ANAPC16: variants seen among roughly 807,000 people sequenced by gnomAD.
ANAPC16 encodes the protein anaphase promoting complex subunit 16.
Under a neutral mutation model 13.1 loss-of-function variants are expected in ANAPC16, and 6 were observed. That is an observed-to-expected ratio of 0.46 (90% confidence interval 0.25 to 0.90). ANAPC16 has a LOEUF of 0.90. Among genes scored for constraint, ANAPC16 ranks in the 40% least tolerant of loss-of-function variants. ANAPC16 has a pLI of 0.18. For synonymous variants in ANAPC16, 55 were observed against 51.3 expected, an observed-to-expected ratio of 1.07 and a Z score of -0.31; for missense variants, 113 against 131.1, an observed-to-expected ratio of 0.86 and a Z score of 0.67.
chr10:72,226,604 T>C (rs1163211711), intron 2 of ANAPC16, among the ~76,000 whole-genome samples: 2 of 149,358 alleles, frequency 1.3e-5, no homozygotes, highest in Non-Finnish European at 1.5e-5. Flanking sequence ...GCCTGGGAGG[T>C]GGAGGCTGCA....
intron 1 of ANAPC16, chr10:72,220,863 AAACTC>A (rs1386649715): frequency 6.6e-6 from 1 of 151,882 alleles, no homozygotes; most frequent in African/African-American, 2.4e-5. Flanking sequence ...AAAAAAAAAA[AAACTC>A]AGCTAAAATT....
At chr10:72,230,479 A>T (rs1040304158) in intron 3 of ANAPC16, 39 bp downstream of exon 3, 2 of 1,571,310 alleles carry the variant, frequency 1.3e-6, no homozygotes, top group African/African-American at 2.7e-5. Flanking sequence ...TGTGAGAATA[A>T]ATTTGCTAGG....
chr10:72,230,225 G>T (rs1044133694), intron 2 of ANAPC16, 141 bp from the exon 3 acceptor site: 1 of 590,018 alleles, frequency 1.7e-6, no homozygotes, highest in Non-Finnish European at 3.0e-6. Context: ...AGTTCTAAAT[G>T]AAGCAGAACC....
intron 1 of ANAPC16, among the ~76,000 whole-genome samples, chr10:72,222,142 G>A (rs951410492): frequency 6.6e-6 from 1 of 151,316 alleles, no homozygotes; most frequent in Admixed American, 6.6e-5. Flanking sequence ...CAGACTGGCC[G>A]GGCATGATGG....
At chr10:72,226,965 G>A (rs778319368) in intron 2 of ANAPC16, among the ~76,000 whole-genome samples, 1 of 152,154 alleles carries the variant, frequency 6.6e-6, no homozygotes, top group Non-Finnish European at 1.5e-5. Context: ...CTGGTTAGAA[G>A]TAGTGAACAA....
chr10:72,216,944 GAGAA>G (rs1388651898), intron 1 of ANAPC16: 1 of 456,174 alleles, frequency 2.2e-6, no homozygotes, highest in Admixed American at 2.3e-5. Context: ...TCTGCACAAT[GAGAA>G]AGAAAAAAAT....
chr10:72,218,423 T>G (rs1346080849), intron 1 of ANAPC16, among the ~76,000 whole-genome samples: 2 of 151,896 alleles, frequency 1.3e-5, no homozygotes, highest in African/African-American at 4.8e-5. Context: ...CCCATTATGC[T>G]GCTTTACGTT....
rs1239272876 is a variant in ANAPC16 at position 72,233,050 on chromosome 10, G to A, written c.267G>A (p.Leu89=). ...MEKLAGLVEE[L]EADEWRFKPI... ...AACTAGCTGGTTTGGTAGAAGAGCT[G>A]GAGGCTGACGAGTGGCGGTTTAAGC... The change falls in exon 4 of 4, where the codon CTG becomes CTA. Residue 89 remains leucine, a synonymous_variant. Coordinates refer to ENST00000299381, the MANE Select transcript of ANAPC16 (RefSeq NM_173473.4). 4.3e-6 allele frequency: 7 copies of A among 1,614,120 alleles called. No individual in the cohort carries two copies. The Admixed American group carries it at 6.7e-5, about 15-fold the overall frequency.
intron 1 of ANAPC16, among the ~76,000 whole-genome samples, chr10:72,222,772 C>T (rs1230370994): frequency 6.6e-6 from 1 of 152,120 alleles, no homozygotes; most frequent in African/African-American, 2.4e-5. Flanking sequence ...AGCGAGACTC[C>T]GTCTCAAAAA....
At chr10:72,224,696 G>A (rs1488772850) in intron 2 of ANAPC16, among the ~76,000 whole-genome samples, 4 of 151,610 alleles carry the variant, frequency 2.6e-5, no homozygotes, top group Non-Finnish European at 5.9e-5. Context: ...CCTGGCACCT[G>A]TCTACCTCCC....
chr10:72,230,373 T>C lies in ANAPC16; in HGVS notation c.150T>C (p.Ser50=), dbSNP rs1860258338. 8.7e-6 allele frequency: 14 copies of C among 1,613,828 alleles called. No individual in the cohort carries two copies. The highest frequency in any genetic ancestry group is 1.3e-5 in the African/African-American group (1 of 74,940). ...TTCTCCTTTTGTTTGTAGATGGCTC[T>C]GAGAGATTCCTCTGCGAATCTGTTT... The part of the protein sequence containing the change: ...KGAGEMLEDG[S]ERFLCESVFS... The change falls in exon 3 of 4, where the codon TCT becomes TCC. Residue 50 remains serine, a synonymous_variant. Coordinates refer to ENST00000299381, the MANE Select transcript of ANAPC16 (RefSeq NM_173473.4).
intron 3 of ANAPC16, 37 bp from the exon 4 acceptor site, chr10:72,232,964 C>T (rs374611476): frequency 6.6e-5 from 101 of 1,541,424 alleles, no homozygotes; most frequent in Non-Finnish European, 8.1e-5. Context: ...TTGGGTAATA[C>T]GTTGTTGCAT....
intron 1 of ANAPC16, among the ~76,000 whole-genome samples, chr10:72,221,675 C>T (rs2133663697): frequency 6.7e-6 from 1 of 149,658 alleles, no homozygotes. Flanking sequence ...TCTCCTGCCT[C>T]AGTCTCCTGA....
intron 2 of ANAPC16, among the ~76,000 whole-genome samples, chr10:72,226,037 A>G (rs1860112536): frequency 6.9e-6 from 1 of 145,450 alleles, no homozygotes; most frequent in Non-Finnish European, 1.5e-5. Context: ...TTTTTTTGAG[A>G]CAGAGTCTCG....
chr10:72,232,541 T>TCCCCAC (rs1860349794), intron 3 of ANAPC16, among the ~76,000 whole-genome samples: 2 of 133,770 alleles, frequency 1.5e-5, no homozygotes, highest in Non-Finnish European at 3.2e-5. Context: ...AAGACTCCAT[T>TCCCCAC]CCCCACCCCC....
At chr10:72,227,339 ATC>A (rs1207273025) in intron 2 of ANAPC16, among the ~76,000 whole-genome samples, 1 of 152,124 alleles carries the variant, frequency 6.6e-6, no homozygotes, top group Non-Finnish European at 1.5e-5. Flanking sequence ...TTTTTATTCC[ATC>A]TCAATATGCT....
intron 1 of ANAPC16, among the ~76,000 whole-genome samples, chr10:72,222,411 C>G (rs892751792): frequency 2.8e-5 from 3 of 105,796 alleles, no homozygotes; most frequent in Non-Finnish European, 6.2e-5. Flanking sequence ...AGCGAGACTC[C>G]GTAAATAAAT....
intron 2 of ANAPC16, among the ~76,000 whole-genome samples, chr10:72,229,552 A>G (rs149330755): frequency 1.9e-4 from 29 of 152,286 alleles, no homozygotes; most frequent in Middle Eastern, 3.4e-3. Flanking sequence ...GATTTTCGCA[A>G]TAAGGTACAT....
intron 3 of ANAPC16, among the ~76,000 whole-genome samples, chr10:72,231,985 G>A (rs1394697491): frequency 2.0e-5 from 3 of 151,454 alleles, no homozygotes; most frequent in African/African-American, 7.3e-5. Flanking sequence ...TCGGGAGTTC[G>A]AGACTGGCCT....
Sources: allele counts gnomAD v4.1 joint callset (sites outside exome capture counted in the v4.1 genomes callset), GRCh38; gene constraint gnomAD v4.1.1; transcripts MANE v1.5; gene names NCBI Gene and HGNC (gene_info 2026-07-23, HGNC 2026-07-21).